DCC: variants seen among roughly 807,000 people sequenced by gnomAD.
DCC encodes the protein netrin receptor DCC.
Under a neutral mutation model 172.5 loss-of-function variants are expected in DCC, and 58 were observed. The ratio of observed to expected loss-of-function variants is 0.34; its 90% CI spans 0.27 to 0.42. The LOEUF is 0.42. Among genes scored for constraint, DCC ranks in the 10% least tolerant of loss-of-function variants. The pLI, the probability that DCC is intolerant of heterozygous loss-of-function variation, is 1.00. For synonymous variants in DCC, 709 were observed against 644.5 expected, an observed-to-expected ratio of 1.10 and a Z score of -1.52; for missense variants, 1,740 against 1,791.0, an observed-to-expected ratio of 0.97 and a Z score of 0.51.
chr18:52,985,095 G>A (rs1470189458), intron 5 of DCC, among the ~76,000 whole-genome samples: 2 of 151,832 alleles, frequency 1.3e-5, no homozygotes, highest in Non-Finnish European at 2.9e-5. Flanking sequence ...AATTCGTGTT[G>A]TTGATTGTTC....
intron 2 of DCC, among the ~76,000 whole-genome samples, chr18:52,762,743 AG>A (rs2037184416): frequency 6.6e-6 from 1 of 152,122 alleles, no homozygotes; most frequent in East Asian, 1.9e-4. Flanking sequence ...AGGTTGCTTG[AG>A]CCCAGGAGTT....
At chr18:52,751,606 G>A (rs2036995364) in intron 1 of DCC, among the ~76,000 whole-genome samples, 1 of 152,078 alleles carries the variant, frequency 6.6e-6, no homozygotes, top group Admixed American at 6.6e-5. Context: ...ATAGAACCCT[G>A]TATCAGATTG....
intron 12 of DCC, among the ~76,000 whole-genome samples, chr18:53,226,934 G>GTGTGTGTATATA (rs34949557): frequency 1.5e-5 from 1 of 68,138 alleles, no homozygotes; most frequent in African/African-American, 6.2e-5. Flanking sequence ...GTGTGTGTGT[G>GTGTGTGTATATA]TATATATATA....
intron 12 of DCC, among the ~76,000 whole-genome samples, chr18:53,275,828 A>T (rs924575696): frequency 2.0e-5 from 3 of 152,128 alleles, no homozygotes; most frequent in African/African-American, 2.4e-5. Flanking sequence ...TAATTTTTTT[A>T]AAATAATTTT....
At chr18:53,488,291 T>C (rs2045924372) in intron 26 of DCC, among the ~76,000 whole-genome samples, 1 of 151,984 alleles carries the variant, frequency 6.6e-6, no homozygotes, top group African/African-American at 2.4e-5. Context: ...ATGAGAATCT[T>C]TTAAGCCTGA....
At chr18:53,076,407 C>T (rs1267967143) in intron 7 of DCC, among the ~76,000 whole-genome samples, 1 of 152,084 alleles carries the variant, frequency 6.6e-6, no homozygotes, top group Non-Finnish European at 1.5e-5. Flanking sequence ...ATATACTAGA[C>T]CCTAGAAAAA....
intron 1 of DCC, among the ~76,000 whole-genome samples, chr18:52,352,284 G>A (rs1984158282): frequency 6.6e-6 from 1 of 152,200 alleles, no homozygotes; most frequent in South Asian, 2.1e-4. Context: ...CACAGGCACA[G>A]GCCAGCCCTT....
chr18:53,037,965 A>G (rs1274981315), intron 5 of DCC, among the ~76,000 whole-genome samples: 2 of 152,008 alleles, frequency 1.3e-5, no homozygotes, highest in African/African-American at 4.8e-5. Context: ...AAAACGTAAG[A>G]ACATTATGTC....
At chr18:53,007,808 T>C (rs2041667978) in intron 5 of DCC, among the ~76,000 whole-genome samples, 3 of 152,064 alleles carry the variant, frequency 2.0e-5, no homozygotes, top group Admixed American at 1.3e-4. Context: ...TTATAAAATA[T>C]AGTAGCAAAT....
At chr18:53,145,917 T>A (rs1198596528) in intron 7 of DCC, among the ~76,000 whole-genome samples, 2 of 152,140 alleles carry the variant, frequency 1.3e-5, no homozygotes, top group African/African-American at 4.8e-5. Context: ...GAGAATATAG[T>A]CCTTTGTACT....
At chr18:52,912,170 A>ATT (rs1447047148) in intron 3 of DCC, among the ~76,000 whole-genome samples, 1 of 152,122 alleles carries the variant, frequency 6.6e-6, no homozygotes, top group Non-Finnish European at 1.5e-5. Flanking sequence ...TAATTGTACA[A>ATT]TTTAGGGCAT....
chr18:52,897,105 T>C (rs1361170099), intron 2 of DCC, among the ~76,000 whole-genome samples: 3 of 152,162 alleles, frequency 2.0e-5, no homozygotes, highest in Non-Finnish European at 4.4e-5. Flanking sequence ...TTAAACTGAC[T>C]CTTGGTCATG....
intron 17 of DCC, among the ~76,000 whole-genome samples, chr18:53,393,230 T>C (rs10164055): frequency 0.31 from 47,471 of 152,104 alleles, 9,078 homozygotes; most frequent in Non-Finnish European, 0.45. Flanking sequence ...TCTCTCCCCA[T>C]AGCCATGCTG....
intron 1 of DCC, among the ~76,000 whole-genome samples, chr18:52,719,965 C>T (rs545168131): frequency 2.0e-4 from 30 of 151,952 alleles, no homozygotes; most frequent in African/African-American, 6.3e-4. Context: ...AACAAGAAGA[C>T]CCAGAAAGTT....
At chr18:53,180,677 T>G (rs1352111110) in intron 9 of DCC, among the ~76,000 whole-genome samples, 1 of 152,224 alleles carries the variant, frequency 6.6e-6, no homozygotes, top group Non-Finnish European at 1.5e-5. Flanking sequence ...TCTTTTTTTA[T>G]TTTTGGGACG....
At chr18:52,843,574 ACT>A (rs1018154307) in intron 2 of DCC, among the ~76,000 whole-genome samples, 2 of 152,182 alleles carry the variant, frequency 1.3e-5, no homozygotes, top group Admixed American at 1.3e-4. Context: ...GTGTGCAATA[ACT>A]CTTAATGCCT....
chr18:53,107,541 G>GAAAAA (rs11458727), intron 7 of DCC, among the ~76,000 whole-genome samples: 52 of 137,558 alleles, frequency 3.8e-4, no homozygotes, highest in Middle Eastern at 4.1e-3. Context: ...AAAAAGGAAG[G>GAAAAA]AAAAAAAAAA....
chr18:53,349,349 C>G (rs1282716468), intron 15 of DCC, among the ~76,000 whole-genome samples: 1 of 152,166 alleles, frequency 6.6e-6, no homozygotes, highest in East Asian at 1.9e-4. Flanking sequence ...CGCTATCAGC[C>G]TTTTGGGCAA....
At chr18:52,829,237 G>A (rs913237362) in intron 2 of DCC, among the ~76,000 whole-genome samples, 1 of 152,178 alleles carries the variant, frequency 6.6e-6, no homozygotes, top group African/African-American at 2.4e-5. Flanking sequence ...CATTAGTGAA[G>A]GCTGATGCTC....
Sources: allele counts gnomAD v4.1 joint callset (sites outside exome capture counted in the v4.1 genomes callset), GRCh38; gene constraint gnomAD v4.1.1; transcripts MANE v1.5; gene names NCBI Gene and HGNC (gene_info 2026-07-23, HGNC 2026-07-21).